Variants in ZDHHC21 observed in about 807,000 individuals in gnomAD.
ZDHHC21 encodes palmitoyltransferase ZDHHC21.
In ZDHHC21, 15 loss-of-function variants were observed where a neutral mutation model predicts 34.6. That is an observed-to-expected ratio of 0.43 (90% CI 0.29 to 0.67). The LOEUF is 0.67. Ranked by LOEUF, ZDHHC21 falls within the 30% of genes least tolerant of loss-of-function variation. ZDHHC21 has a pLI of 0.14. For synonymous variants in ZDHHC21, 142 were observed against 101.8 expected (o/e 1.40, Z -2.38); for missense variants, 344 against 327.7 (o/e 1.05, Z -0.38).
chr9:14,676,637 A>G (rs1836433219), intron 3 of ZDHHC21, among the ~76,000 whole-genome samples: 1 of 152,044 alleles, frequency 6.6e-6, no homozygotes, highest in Admixed American at 6.6e-5. Flanking sequence ...TAAAAGTTTC[A>G]TTTATTTATC....
intron 2 of ZDHHC21, among the ~76,000 whole-genome samples, chr9:14,685,379 A>C (rs1361090125): frequency 2.6e-5 from 4 of 151,690 alleles, no homozygotes; most frequent in African/African-American, 9.7e-5. Context: ...CAACCCCATC[A>C]AAAAGTGGGC....
chr9:14,667,270 G>A (rs371945783), intron 5 of ZDHHC21, among the ~76,000 whole-genome samples: 52,373 of 145,508 alleles, frequency 0.36, 9,674 homozygotes, highest in Non-Finnish European at 0.4. Flanking sequence ...TAAATTCCTC[G>A]ACACATACAC....
chr9:14,609,739 G>C (rs559335645), downstream of ZDHHC21, among the ~76,000 whole-genome samples: 4 of 152,146 alleles, frequency 2.6e-5, no homozygotes, highest in African/African-American at 9.6e-5. Flanking sequence ...TGGATTTTAA[G>C]AACACGAAAA....
At chr9:14,683,792 A>G (rs1450619667) in intron 2 of ZDHHC21, 1 of 152,246 alleles carries the variant, frequency 6.6e-6, no homozygotes, top group African/African-American at 2.4e-5. Flanking sequence ...CATCGATGCA[A>G]ACATCCTCAG....
chr9:14,661,913 G>A lies in ZDHHC21; in HGVS notation c.365+302C>T, dbSNP rs10119240. The stretch of plus-strand genomic sequence containing the variant: ...AAGTACATCCTACTTGTCAGATATT[G>A]TAGTAAATGTTTTATATACATTGCC... On this transcript the variant is annotated intron_variant, in intron 6 of 9. Transcript: ENST00000380916. Among the ~76,000 whole-genome samples, 577 of 152,254 alleles carry A rather than the reference G, an allele frequency of 3.8e-3. 6 individuals carry two copies. The highest frequency in any genetic ancestry group is 0.013 in the African/African-American group (546 of 41,554).
At chr9:14,685,564 G>C (rs1182360861) in intron 2 of ZDHHC21, among the ~76,000 whole-genome samples, 1 of 152,216 alleles carries the variant, frequency 6.6e-6, no homozygotes, top group Non-Finnish European at 1.5e-5. Context: ...ACAGGTGCTG[G>C]AGAGGATATG....
intron 7 of ZDHHC21, among the ~76,000 whole-genome samples, chr9:14,654,101 G>A (rs1305911551): frequency 6.6e-6 from 1 of 151,886 alleles, no homozygotes; most frequent in Non-Finnish European, 1.5e-5. Context: ...AGAACATCCT[G>A]CAAAATCTCC....
chr9:14,633,897 C>G (rs993754421), intron 8 of ZDHHC21, among the ~76,000 whole-genome samples: 1 of 152,160 alleles, frequency 6.6e-6, no homozygotes, highest in African/African-American at 2.4e-5. Context: ...GATGCCATCC[C>G]CACCCAAACA....
chr9:14,632,351 G>C (rs2133599269), intron 8 of ZDHHC21, among the ~76,000 whole-genome samples: 1 of 152,122 alleles, frequency 6.6e-6, no homozygotes, highest in East Asian at 1.9e-4. Context: ...ATGGTGGAAA[G>C]AATTGTCTTT....
intron 5 of ZDHHC21, among the ~76,000 whole-genome samples, chr9:14,669,280 A>G (rs1835034123): frequency 6.9e-6 from 1 of 144,992 alleles, no homozygotes; most frequent in South Asian, 2.2e-4. Flanking sequence ...CATCAGAGAA[A>G]TGCAAATCAA....
intron 7 of ZDHHC21, 79 bp downstream of exon 7, chr9:14,658,670 A>T: frequency 8.4e-7 from 1 of 1,185,436 alleles, no homozygotes; most frequent in Non-Finnish European, 1.2e-6. Context: ...ACGGGGTTTC[A>T]CCGTGTTAGC....
Position 14,631,866 on chromosome 9 carries a change from AC to A in ZDHHC21, c.621+8029del, listed in dbSNP as rs368400367. ...CAGTTTGTGGTGCCCCAAAATAATT[AC>A]AATAGTAACATCAAAGATCACCAAT... On this transcript the variant is annotated intron_variant, in intron 8 of 9. Coordinates refer to ENST00000380916, the MANE Select transcript of ZDHHC21 (RefSeq NM_178566.6). Among the ~76,000 whole-genome samples, 7 of 152,332 alleles carry A rather than the reference AC, an allele frequency of 4.6e-5. No homozygotes were observed. The East Asian group carries it at 1.2e-3, about 25-fold the overall frequency.
chr9:14,598,068 G>C, the ZDHHC21 span, among the ~76,000 whole-genome samples: 2 of 152,010 alleles, frequency 1.3e-5, no homozygotes, highest in African/African-American at 4.8e-5. Context: ...ACTGACCAAA[G>C]GCCCAAGGGC....
chr9:14,644,774 T>C (rs1372857955), intron 7 of ZDHHC21, among the ~76,000 whole-genome samples: 4 of 150,548 alleles, frequency 2.7e-5, no homozygotes, highest in African/African-American at 9.8e-5. Context: ...TTACATACTA[T>C]ATACAACTGG....
intron 6 of ZDHHC21, among the ~76,000 whole-genome samples, chr9:14,661,658 CT>C (rs1331981066): frequency 4.6e-5 from 7 of 152,158 alleles, no homozygotes; most frequent in Non-Finnish European, 1.0e-4. Context: ...AGAGAGCCCC[CT>C]ATTGACCAAA....
At chr9:14,589,962 G>T in the ZDHHC21 span, 6 of 152,140 alleles carry the variant, frequency 3.9e-5, no homozygotes, top group East Asian at 1.2e-3. Context: ...TGATGAGGAA[G>T]AAAGTTAGTC....
At chr9:14,630,862 T>C (rs1332965263) in intron 8 of ZDHHC21, among the ~76,000 whole-genome samples, 1 of 152,224 alleles carries the variant, frequency 6.6e-6, no homozygotes, top group Non-Finnish European at 1.5e-5. Context: ...GGGCTTAAAA[T>C]ATTCAGCAAG....
the ZDHHC21 span, among the ~76,000 whole-genome samples, chr9:14,591,271 G>C: frequency 6.6e-6 from 1 of 152,018 alleles, no homozygotes; most frequent in South Asian, 2.1e-4. Context: ...ATGGTATTAA[G>C]AGGCGTGACC....
the ZDHHC21 span, among the ~76,000 whole-genome samples, chr9:14,604,960 G>A: frequency 2.6e-5 from 4 of 152,284 alleles, no homozygotes; most frequent in African/African-American, 9.6e-5. Flanking sequence ...AAATCATGCA[G>A]TATTTGTCCT....
Sources: allele counts gnomAD v4.1 joint callset (sites outside exome capture counted in the v4.1 genomes callset), GRCh38; gene constraint gnomAD v4.1.1; transcripts MANE v1.5; gene names NCBI Gene and HGNC (gene_info 2026-07-23, HGNC 2026-07-21).